Variants in COL24A1 observed in about 807,000 individuals in gnomAD.
The protein encoded by COL24A1 is collagen type XXIV alpha 1 chain, also known as collagen alpha-1(XXIV) chain.
A neutral mutation model predicts 253.9 loss-of-function variants in COL24A1; 224 were observed. The ratio of observed to expected loss-of-function variants is 0.88; its 90% CI spans 0.79 to 0.99. COL24A1 has a LOEUF of 0.99. Ranked by LOEUF, COL24A1 falls within the 50% of genes least tolerant of loss-of-function variation. The pLI is 0.00. For missense variants in COL24A1, 2,131 were observed against 2,068.5 expected (o/e 1.03, Z -0.59); for synonymous variants, 685 against 673.7 (o/e 1.02, Z -0.26).
intron 5 of COL24A1, among the ~76,000 whole-genome samples, chr1:86,102,142 T>C (rs1704520706): frequency 6.6e-6 from 1 of 152,110 alleles, no homozygotes. Context: ...CAGGAACTTA[T>C]CATTTCTTCT....
rs778197828 is a variant in COL24A1 at position 85,842,124 on chromosome 1, A to G, written c.3517-3T>C. Reference sequence around the variant, plus strand: ...GGTCCTGGTTGGCCCTGATGGCCCTACGAAAGGACAAGTAGACATTTATAC... The same window carrying G: ...GGTCCTGGTTGGCCCTGATGGCCCTGCGAAAGGACAAGTAGACATTTATAC... On this transcript the variant is annotated splice_polypyrimidine_tract_variant and splice_region_variant and intron_variant, in intron 40 of 59. Coordinates refer to ENST00000370571, the MANE Select transcript of COL24A1 (RefSeq NM_152890.7). 26 of 1,613,278 alleles carry G rather than the reference A, an allele frequency of 1.6e-5. 1 individual carries two copies. The South Asian group carries it at 2.7e-4, about 17-fold the overall frequency.
At chr1:85,782,155 C>T (rs980087174) in intron 51 of COL24A1, among the ~76,000 whole-genome samples, 3 of 152,162 alleles carry the variant, frequency 2.0e-5, no homozygotes, top group Non-Finnish European at 4.4e-5. Flanking sequence ...TGTGCCATCT[C>T]GGCTCACTGT....
At position 85,941,026 on chromosome 1, in the gene COL24A1, T is replaced by C. The variant is rs1688712558; in HGVS notation, c.2562+20223A>G. 2.0e-5 allele frequency among the ~76,000 whole-genome samples: 3 copies of C among 152,176 alleles called. No homozygotes were observed. In the South Asian group the frequency reaches 6.2e-4, roughly 32 times the overall value. ...CCTAACTTGGTTGAACTTAAGGTGT[T>C]ATTAGTTTCAAAAAAAGTAACTTGG... On this transcript the variant is annotated intron_variant, in intron 24 of 59. Transcript: ENST00000370571.
intron 24 of COL24A1, among the ~76,000 whole-genome samples, chr1:85,933,775 A>G (rs1688020276): frequency 1.3e-5 from 2 of 152,174 alleles, no homozygotes; most frequent in Non-Finnish European, 2.9e-5. Context: ...ATTTATTTAT[A>G]TTTACTACTA....
intron 37 of COL24A1, among the ~76,000 whole-genome samples, chr1:85,864,609 C>G (rs955473654): frequency 3.9e-5 from 6 of 152,006 alleles, no homozygotes; most frequent in Admixed American, 6.6e-5. Flanking sequence ...TCTTATCATT[C>G]TTTTCTAACT....
intron 5 of COL24A1, among the ~76,000 whole-genome samples, chr1:86,106,947 A>G (rs1178214343): frequency 1.3e-5 from 2 of 152,186 alleles, no homozygotes; most frequent in African/African-American, 4.8e-5. Context: ...ATTTAACAAC[A>G]CAGTCCTCAG....
intron 31 of COL24A1, among the ~76,000 whole-genome samples, chr1:85,894,055 G>A (rs1683402969): frequency 6.6e-6 from 1 of 152,158 alleles, no homozygotes; most frequent in South Asian, 2.1e-4. Context: ...TGTTGATAGT[G>A]CATAAATGAC....
rs369534056 is a variant in COL24A1 at position 86,012,315 on chromosome 1, T to C, written c.2310+4836A>G. ...TTAAATCATTGCCCTACTGGCCAGG[T>C]GCGGTGGCTCACCCCTGTAATCCCA... On this transcript the variant is annotated intron_variant, in intron 19 of 59. Transcript: ENST00000370571. Among the ~76,000 whole-genome samples, 556 of 152,114 alleles carry C rather than the reference T, an allele frequency of 3.7e-3. 1 individual carries two copies. Among genetic ancestry groups the C allele is most frequent in the Middle Eastern group, 0.014 (4 of 294 alleles).
In COL24A1 at chr1:85,754,461, G is replaced by A. The variant is rs182951111; in HGVS notation, c.4437+6935C>T. On this transcript the variant is annotated intron_variant, in intron 55 of 59. Coordinates refer to ENST00000370571, the MANE Select transcript of COL24A1 (RefSeq NM_152890.7). ...TAGATGACACGTTAGTGGGTGCAGC[G>A]CACCAGCATGGCACATGTATACATA... Among the ~76,000 whole-genome samples, 685 of 96,126 alleles carry A rather than the reference G, an allele frequency of 7.1e-3. 38 individuals are homozygous for A. The highest frequency in any genetic ancestry group is 0.055 in the Admixed American group (482 of 8,776). 63.1% of individuals were successfully genotyped at this position (96,126 alleles called of 152,430 possible). A position where few individuals can be genotyped will look rare whatever the true frequency, so the allele number is the denominator to read the frequency against.
chr1:85,868,973 T>C, intron 35 of COL24A1, 138 bp from the exon 36 acceptor site: 1 of 567,762 alleles, frequency 1.8e-6, no homozygotes, highest in Non-Finnish European at 3.1e-6. Context: ...CTAAAGAGGA[T>C]TTGACAGTAA....
intron 28 of COL24A1, among the ~76,000 whole-genome samples, chr1:85,906,714 T>G (rs1274209190): frequency 6.6e-6 from 1 of 151,968 alleles, no homozygotes; most frequent in Non-Finnish European, 1.5e-5. Flanking sequence ...GAAGATTTAT[T>G]ATTTAATTCT....
rs1327670463 is a variant in COL24A1, at chr1:86,022,058, G to A, written c.2256+182C>T. The stretch of plus-strand genomic sequence containing the variant: ...ACTTGGCTTTGGCCTAGGGTTGGGA[G>A]TAGAGGGAAGTCCAAAAGTCTATGG... On this transcript the variant is annotated intron_variant, in intron 18 of 59. Transcript: ENST00000370571. Among the ~76,000 whole-genome samples, 3 of 152,200 alleles carry A rather than the reference G, an allele frequency of 2.0e-5. No homozygotes were observed. The East Asian group carries it at 5.8e-4, about 29-fold the overall frequency.
chr1:86,060,761 A>G (rs1701028836), intron 8 of COL24A1, among the ~76,000 whole-genome samples: 1 of 152,128 alleles, frequency 6.6e-6, no homozygotes, highest in African/African-American at 2.4e-5. Context: ...ACAACTGAAG[A>G]GAATGTGAAT....
At chr1:86,015,734 T>C (rs1302734437) in intron 19 of COL24A1, among the ~76,000 whole-genome samples, 2 of 152,178 alleles carry the variant, frequency 1.3e-5, no homozygotes, top group Non-Finnish European at 1.5e-5. Flanking sequence ...TGTAGGCTCA[T>C]ATGGAGAAGC....
intron 47 of COL24A1, among the ~76,000 whole-genome samples, chr1:85,793,900 G>T (rs1447028636): frequency 6.6e-6 from 1 of 151,602 alleles, no homozygotes; most frequent in Non-Finnish European, 1.5e-5. Flanking sequence ...AAATTCTGAT[G>T]AATAGCACCC....
At position 85,825,262 on chromosome 1, in the gene COL24A1, T is replaced by C. The variant is rs535806922; in HGVS notation, c.3682-1524A>G. On this transcript the variant is annotated intron_variant, in intron 43 of 59. Coordinates refer to ENST00000370571, the MANE Select transcript of COL24A1 (RefSeq NM_152890.7). ...TACAAAGGACATGAACTCATCATTT[T>C]TTATGGCTGCATAGTATTCCATGGT... Among the ~76,000 whole-genome samples the C allele has an allele frequency of 9.2e-5, 14 of 152,278 alleles. No homozygotes were observed. In the East Asian group the frequency reaches 9.6e-4, roughly 10 times the overall value.
intron 31 of COL24A1, 73 bp from the exon 32 acceptor site, chr1:85,889,686 C>T (rs911952825): frequency 1.5e-6 from 2 of 1,307,890 alleles, no homozygotes; most frequent in Non-Finnish European, 2.2e-6. Flanking sequence ...CTTACCTTAG[C>T]TTTCCTATGG....
intron 5 of COL24A1, among the ~76,000 whole-genome samples, chr1:86,102,950 A>G (rs554167829): frequency 6.6e-6 from 1 of 152,248 alleles, no homozygotes; most frequent in East Asian, 1.9e-4. Context: ...TTTCTGCCTC[A>G]ATGATGTGTC....
chr1:85,831,941 T>C (rs1408416417), intron 43 of COL24A1, among the ~76,000 whole-genome samples: 1 of 152,108 alleles, frequency 6.6e-6, no homozygotes, highest in African/African-American at 2.4e-5. Context: ...TTAGATCCCA[T>C]TTGTCAATTT....
Sources: allele counts gnomAD v4.1 joint callset (sites outside exome capture counted in the v4.1 genomes callset), GRCh38; gene constraint gnomAD v4.1.1; transcripts MANE v1.5; gene names NCBI Gene and HGNC (gene_info 2026-07-23, HGNC 2026-07-21).